The following LIN54 variants were observed in gnomAD, a reference collection of about 807,000 sequenced individuals.
LIN54 encodes lin-54 DREAM MuvB core complex component.
LIN54 carries 9 observed loss-of-function variants against 78.7 expected under a neutral mutation model. The observed-to-expected ratio is 0.11, with a 90% CI of 0.07 to 0.20. The LOEUF is 0.20. Among genes scored for constraint, LIN54 ranks in the 10% least tolerant of loss-of-function variants. The pLI, the probability that LIN54 is intolerant of heterozygous loss-of-function variation, is 1.00. For synonymous variants in LIN54, 269 were observed against 318.4 expected (o/e 0.84, Z 1.65); for missense variants, 573 against 889.9 (o/e 0.64, Z 4.53).
intron 1 of LIN54, 53 bp downstream of exon 1, chr4:83,010,430 CA>C: frequency 1.7e-6 from 1 of 576,990 alleles, no homozygotes; most frequent in Non-Finnish European, 2.2e-6. Context: ...CCCATCCCCC[CA>C]AATAAAGAGA....
intron 3 of LIN54, among the ~76,000 whole-genome samples, chr4:82,974,083 ACCTGTAGTCC>A (rs1173402674): frequency 1.3e-5 from 2 of 151,936 alleles, no homozygotes; most frequent in African/African-American, 2.4e-5. Flanking sequence ...GGTGGCAGGC[ACCTGTAGTCC>A]CAGCTACTTG....
intron 5 of LIN54, among the ~76,000 whole-genome samples, chr4:82,940,479 G>A (rs866803544): frequency 1.3e-5 from 2 of 151,924 alleles, no homozygotes; most frequent in Middle Eastern, 3.2e-3. Flanking sequence ...TGCAACCTCC[G>A]CCTCCCAGGT....
intron 1 of LIN54, among the ~76,000 whole-genome samples, chr4:83,006,055 C>A (rs1016492857): frequency 8.5e-5 from 13 of 152,172 alleles, no homozygotes; most frequent in African/African-American, 3.1e-4. Flanking sequence ...ACCGCATATT[C>A]TCACTTATAA....
At chr4:82,983,148 T>C (rs1348635423) in intron 2 of LIN54, among the ~76,000 whole-genome samples, 1 of 151,894 alleles carries the variant, frequency 6.6e-6, no homozygotes, top group Non-Finnish European at 1.5e-5. Context: ...GCTGGGATTA[T>C]AGGCACTCGC....
chr4:83,001,773 G>A (rs1404693390), intron 1 of LIN54, among the ~76,000 whole-genome samples: 5 of 145,700 alleles, frequency 3.4e-5, no homozygotes, highest in Admixed American at 2.8e-4. Context: ...GCATGAACCC[G>A]GGAGGCAGAG....
intron 8 of LIN54, among the ~76,000 whole-genome samples, chr4:82,937,853 A>G (rs575162057): frequency 2.1e-4 from 32 of 152,356 alleles, no homozygotes; most frequent in Admixed American, 1.6e-3. Flanking sequence ...ATAGTTGGGC[A>G]GGTGCAGTGG....
intron 3 of LIN54, among the ~76,000 whole-genome samples, chr4:82,971,361 C>G (rs1383890722): frequency 7.9e-6 from 1 of 127,178 alleles, no homozygotes; most frequent in African/African-American, 3.8e-5. Flanking sequence ...CATTCTTGGG[C>G]CACAGCATTT....
intron 1 of LIN54, among the ~76,000 whole-genome samples, chr4:82,991,039 T>C (rs186038893): frequency 6.6e-6 from 1 of 151,436 alleles, no homozygotes; most frequent in Non-Finnish European, 1.5e-5. Context: ...CGTGCACCTG[T>C]AGTCCCAGCT....
rs951891028 is a variant in LIN54, at chr4:82,956,651, C to A, written c.952-10177G>T. Among the ~76,000 whole-genome samples, 9 of 152,198 alleles carry A rather than the reference C, an allele frequency of 5.9e-5. No homozygotes were observed. The East Asian group carries it at 1.7e-3, about 29-fold the overall frequency. ...TTTTTAAAAAGGCAACAGGACCCCA[C>A]AGGTATTCAATCAACATAATATATA... On this transcript the variant is annotated intron_variant, in intron 4 of 12. Coordinates refer to ENST00000340417, the MANE Select transcript of LIN54 (RefSeq NM_194282.4).
intron 2 of LIN54, among the ~76,000 whole-genome samples, chr4:82,979,407 T>C (rs1726435663): frequency 6.6e-6 from 1 of 152,134 alleles, no homozygotes; most frequent in Admixed American, 6.6e-5. Flanking sequence ...GCCACCTATA[T>C]ACACAATTAC....
rs1305138465 is a variant in LIN54 at position 82,928,082 on chromosome 4, A to C, written c.*20T>G. The C allele has an allele frequency of 6.2e-7, 1 of 1,608,440 alleles. No homozygotes were observed. Among genetic ancestry groups the C allele is most frequent in the Non-Finnish European group, 8.5e-7 (1 of 1,174,898 alleles). On this transcript the variant is annotated 3_prime_UTR_variant, in exon 13 of 13. Coordinates refer to ENST00000340417, the MANE Select transcript of LIN54 (RefSeq NM_194282.4). ...TTAAATTTTCTGTACAGTTCCATTTATCAGTCTTTTGTGCAAGAGTTAGCA... is the reference window on the plus strand; with the variant it reads ...TTAAATTTTCTGTACAGTTCCATTTCTCAGTCTTTTGTGCAAGAGTTAGCA...
intron 3 of LIN54, among the ~76,000 whole-genome samples, chr4:82,972,734 G>T (rs1309200576): frequency 1.3e-5 from 2 of 152,112 alleles, no homozygotes; most frequent in African/African-American, 4.8e-5. Context: ...TGTAATCCCA[G>T]CACTTTGGGA....
intron 1 of LIN54, among the ~76,000 whole-genome samples, chr4:83,007,600 C>G (rs910361931): frequency 2.0e-5 from 3 of 152,094 alleles, no homozygotes; most frequent in Non-Finnish European, 4.4e-5. Flanking sequence ...CGATAGTCTA[C>G]TAAATGGCCA....
In LIN54 at chr4:82,947,231, A is replaced by ATT. The variant is rs1390095473; in HGVS notation, c.952-758_952-757insAA. 5.8e-3 allele frequency among the ~76,000 whole-genome samples: 81 copies of ATT among 13,934 alleles called. 1 individual carries two copies. The highest frequency in any genetic ancestry group is 0.013 in the African/African-American group (64 of 4,942). The allele number at this position is 13,934 out of a possible 152,430, so 9.1% of individuals were successfully genotyped here. A position where few individuals can be genotyped will look rare whatever the true frequency, so the allele number is the denominator to read the frequency against. On this transcript the variant is annotated intron_variant, in intron 4 of 12. Coordinates refer to ENST00000340417, the MANE Select transcript of LIN54 (RefSeq NM_194282.4). ...TTTATATATATATATATATATATAT[A>ATT]TATATTTTTTTTTTTTTTGAAGACA...
intron 4 of LIN54, among the ~76,000 whole-genome samples, chr4:82,966,576 T>A (rs1471041068): frequency 6.6e-6 from 1 of 151,844 alleles, no homozygotes; most frequent in Non-Finnish European, 1.5e-5. Flanking sequence ...ACAGAGTAGG[T>A]GACAACTGCA....
chr4:82,958,194 T>C (rs1724495481), intron 4 of LIN54, among the ~76,000 whole-genome samples: 1 of 152,244 alleles, frequency 6.6e-6, no homozygotes, highest in Non-Finnish European at 1.5e-5. Context: ...CCCAGTTCAC[T>C]GTACAACTAA....
chr4:82,962,892 G>A (rs1282542853), intron 4 of LIN54, among the ~76,000 whole-genome samples: 1 of 151,856 alleles, frequency 6.6e-6, no homozygotes, highest in Admixed American at 6.6e-5. Flanking sequence ...CTCTTAAAAT[G>A]AGAAGATCAA....
chr4:82,939,468 T>C, intron 7 of LIN54, 71 bp downstream of exon 7: 3 of 1,280,334 alleles, frequency 2.3e-6, no homozygotes, highest in Non-Finnish European at 3.4e-6. Context: ...GAGTAGCTTC[T>C]GTGATAGCAC....
At position 83,002,496 on chromosome 4, in the gene LIN54, GA is replaced by G. The variant is rs59102795; in HGVS notation, c.-33+7987del. Among the ~76,000 whole-genome samples the G allele has an allele frequency of 4.7e-4, 71 of 151,578 alleles. No individual in the cohort carries two copies. The East Asian group carries it at 0.012, about 26-fold the overall frequency. ...GAGGGAAGGAGGGAGGGAGGCAGGG[GA>G]AAAAAAGTTAGACAGAAATTACAAT... On this transcript the variant is annotated intron_variant, in intron 1 of 12. Transcript: ENST00000340417.
Sources: allele counts gnomAD v4.1 joint callset (sites outside exome capture counted in the v4.1 genomes callset), GRCh38; gene constraint gnomAD v4.1.1; transcripts MANE v1.5; gene names NCBI Gene and HGNC (gene_info 2026-07-23, HGNC 2026-07-21).